Variants in ZC2HC1A observed in about 807,000 individuals in gnomAD.
ZC2HC1A encodes the protein zinc finger C2HC domain-containing protein 1A.
In ZC2HC1A, 28 loss-of-function variants were observed where a neutral mutation model predicts 40.7. The observed-to-expected ratio is 0.69, with a 90% CI of 0.51 to 0.94. The LOEUF (loss-of-function observed/expected upper bound fraction) is 0.94, where lower values mean the gene tolerates loss of function less well. Among genes scored for constraint, ZC2HC1A ranks in the 40% least tolerant of loss-of-function variants. The pLI, the probability that ZC2HC1A is intolerant of heterozygous loss-of-function variation, is 0.00. For missense variants in ZC2HC1A, 389 were observed against 386.3 expected, an observed-to-expected ratio of 1.01 and a Z score of -0.06; for synonymous variants, 129 against 129.2, an observed-to-expected ratio of 1.00 and a Z score of 0.01.
chr8:78,715,550 G>A (rs1030608719), intron 8 of ZC2HC1A, among the ~76,000 whole-genome samples: 1 of 152,180 alleles, frequency 6.6e-6, no homozygotes, highest in African/African-American at 2.4e-5. Flanking sequence ...GAACGTATGT[G>A]ATTTATGGGA....
At chr8:78,666,392 C>A (rs1326629078) in intron 1 of ZC2HC1A, among the ~76,000 whole-genome samples, 1 of 152,208 alleles carries the variant, frequency 6.6e-6, no homozygotes, top group African/African-American at 2.4e-5. Flanking sequence ...TGGGCTTTCC[C>A]GCCCGGAGCC....
At chr8:78,689,419 G>A (rs1487792140) in intron 5 of ZC2HC1A, 46 bp downstream of exon 5, 1 of 1,493,060 alleles carries the variant, frequency 6.7e-7, no homozygotes, top group Non-Finnish European at 8.9e-7. Context: ...AATGGCTCAT[G>A]GACATTCATA....
chr8:78,676,352 A>G (rs961099320), intron 2 of ZC2HC1A, among the ~76,000 whole-genome samples: 1 of 151,962 alleles, frequency 6.6e-6, no homozygotes. Context: ...TGTTTCAAAG[A>G]CAAAGACTTT....
At chr8:78,691,515 A>T (rs1810211009) in intron 5 of ZC2HC1A, among the ~76,000 whole-genome samples, 1 of 151,980 alleles carries the variant, frequency 6.6e-6, no homozygotes, top group African/African-American at 2.4e-5. Flanking sequence ...TTCTTTTTTT[A>T]AAATCAAATC....
chr8:78,696,598 A>C (rs536754269), intron 5 of ZC2HC1A, among the ~76,000 whole-genome samples: 1 of 152,326 alleles, frequency 6.6e-6, no homozygotes, highest in East Asian at 1.9e-4. Flanking sequence ...AAAATTAATA[A>C]AGATGTCTCT....
chr8:78,701,450 T>G (rs187740785), intron 7 of ZC2HC1A, among the ~76,000 whole-genome samples: 37 of 152,346 alleles, frequency 2.4e-4, no homozygotes, highest in African/African-American at 8.4e-4. Context: ...CAGGGATAGT[T>G]TGACTTCCTC....
chr8:78,690,935 C>T (rs1036875698), intron 5 of ZC2HC1A, among the ~76,000 whole-genome samples: 2 of 151,354 alleles, frequency 1.3e-5, no homozygotes, highest in African/African-American at 4.9e-5. Context: ...AATCTTATAC[C>T]CTGCTATTTT....
At chr8:78,698,312 G>C in intron 6 of ZC2HC1A, 102 bp from the exon 7 acceptor site, 1 of 942,990 alleles carries the variant, frequency 1.1e-6, no homozygotes, top group Non-Finnish European at 1.5e-6. Flanking sequence ...TTGATTTATA[G>C]TTGCAAAGAT....
chr8:78,704,373 G>A (rs1027786409), intron 7 of ZC2HC1A, among the ~76,000 whole-genome samples: 3 of 144,120 alleles, frequency 2.1e-5, no homozygotes, highest in African/African-American at 5.3e-5. Flanking sequence ...GGGTGACAGA[G>A]TGAGACTCCA....
At chr8:78,696,876 A>T (rs1810435812) in intron 5 of ZC2HC1A, among the ~76,000 whole-genome samples, 1 of 152,196 alleles carries the variant, frequency 6.6e-6, no homozygotes, top group African/African-American at 2.4e-5. Flanking sequence ...TTGACCTTTA[A>T]AGCTGCACCA....
intron 1 of ZC2HC1A, among the ~76,000 whole-genome samples, chr8:78,671,626 A>G (rs149503994): frequency 3.6e-4 from 54 of 152,100 alleles, no homozygotes; most frequent in African/African-American, 1.1e-3. Flanking sequence ...TTGAGCAGAT[A>G]TTAGCCTCAT....
At chr8:78,695,351 A>G (rs761804838) in intron 5 of ZC2HC1A, among the ~76,000 whole-genome samples, 1 of 152,190 alleles carries the variant, frequency 6.6e-6, no homozygotes, top group Non-Finnish European at 1.5e-5. Flanking sequence ...AATAATTCCT[A>G]TTATATACAT....
intron 5 of ZC2HC1A, among the ~76,000 whole-genome samples, chr8:78,692,162 A>G (rs1181139316): frequency 6.6e-6 from 1 of 152,128 alleles, no homozygotes; most frequent in Non-Finnish European, 1.5e-5. Context: ...TACCCCTTTG[A>G]CCATCATCAT....
chr8:78,714,522 A>G (rs138662337), intron 7 of ZC2HC1A, among the ~76,000 whole-genome samples: 72 of 152,300 alleles, frequency 4.7e-4, no homozygotes, highest in African/African-American at 1.5e-3. Flanking sequence ...CAAAGCTGTC[A>G]GTAGCATTAG....
intron 1 of ZC2HC1A, among the ~76,000 whole-genome samples, chr8:78,675,247 A>C (rs566069488): frequency 6.6e-6 from 1 of 151,920 alleles, no homozygotes; most frequent in African/African-American, 2.4e-5. Flanking sequence ...TATTATATGT[A>C]TAAAATAATA....
At chr8:78,670,016 G>A (rs1189278322) in intron 1 of ZC2HC1A, among the ~76,000 whole-genome samples, 2 of 141,494 alleles carry the variant, frequency 1.4e-5, no homozygotes, top group Admixed American at 7.6e-5. Context: ...TGCCCAGGCT[G>A]GAGTGCAGTG....
chr8:78,694,854 G>A (rs530147063), intron 5 of ZC2HC1A, among the ~76,000 whole-genome samples: 81 of 152,272 alleles, frequency 5.3e-4, no homozygotes, highest in African/African-American at 1.9e-3. Context: ...GAAATACGTT[G>A]AATGTAATTG....
intron 7 of ZC2HC1A, among the ~76,000 whole-genome samples, chr8:78,713,064 A>G (rs1177022187): frequency 6.6e-6 from 1 of 152,176 alleles, no homozygotes; most frequent in Non-Finnish European, 1.5e-5. Context: ...GAACTCTCTG[A>G]TGCAGATCTC....
At chr8:78,704,863 A>AG (rs1330287422) in intron 7 of ZC2HC1A, among the ~76,000 whole-genome samples, 1 of 152,034 alleles carries the variant, frequency 6.6e-6, no homozygotes, top group African/African-American at 2.4e-5. Flanking sequence ...TCAAGCTCTG[A>AG]GATTTGTTCT....
Sources: gnomAD v4.1 joint callset for allele counts (sites outside exome capture counted in the v4.1 genomes callset) on GRCh38, gnomAD v4.1.1 for gene constraint, MANE v1.5 for transcripts, NCBI Gene and HGNC (gene_info 2026-07-23, HGNC 2026-07-21) for gene names.